LRRC3B: variants seen among roughly 807,000 people sequenced by gnomAD.
The protein encoded by LRRC3B is leucine-rich repeat-containing protein 3B.
In LRRC3B, 2 loss-of-function variants were observed where a neutral mutation model predicts 12.8. The ratio of observed to expected loss-of-function variants is 0.16; its 90% CI spans 0.06 to 0.49. The LOEUF (loss-of-function observed/expected upper bound fraction) is 0.49. Ranked by LOEUF, LRRC3B falls within the 20% of genes least tolerant of loss-of-function variation. The pLI is 0.96. For synonymous variants in LRRC3B, 132 were observed against 122.0 expected, an observed-to-expected ratio of 1.08 and a Z score of -0.54; for missense variants, 189 against 319.4, an observed-to-expected ratio of 0.59 and a Z score of 3.11.
chr3:26,671,369 T>TAGAGAGAGAGAG (rs773929815), intron 1 of LRRC3B, among the ~76,000 whole-genome samples: 52 of 38,188 alleles, frequency 1.4e-3, no homozygotes, highest in East Asian at 7.6e-3. Flanking sequence ...TATATATATA[T>TAGAGAGAGAGAG]ATATAGAGAG....
intron 1 of LRRC3B, among the ~76,000 whole-genome samples, chr3:26,671,363 T>TAG (rs1168867674): frequency 8.0e-4 from 37 of 46,246 alleles, no homozygotes; most frequent in Middle Eastern, 0.016. Context: ...TATATATATA[T>TAG]ATATATATAT....
At chr3:26,626,151 C>T (rs1035662041) in intron 1 of LRRC3B, among the ~76,000 whole-genome samples, 2 of 152,166 alleles carry the variant, frequency 1.3e-5, no homozygotes, top group Non-Finnish European at 2.9e-5. Context: ...TGTTACATAT[C>T]GCCTGTCTCA....
chr3:26,653,465 A>G (rs1559356021), intron 1 of LRRC3B, among the ~76,000 whole-genome samples: 1 of 152,242 alleles, frequency 6.6e-6, no homozygotes, highest in Admixed American at 6.5e-5. Flanking sequence ...TCTGTCATTA[A>G]TAATGGTTTA....
intron 1 of LRRC3B, among the ~76,000 whole-genome samples, chr3:26,676,765 G>T (rs562333880): frequency 2.6e-5 from 4 of 152,306 alleles, no homozygotes; most frequent in Admixed American, 2.0e-4. Flanking sequence ...TGTAAATCAT[G>T]CTGCTATAAA....
Position 26,684,518 on chromosome 3 carries a change from C to G in LRRC3B, c.-160-24995C>G, listed in dbSNP as rs1385525065. 2.0e-5 allele frequency among the ~76,000 whole-genome samples: 3 copies of G among 152,192 alleles called. No homozygotes were observed. The East Asian group carries it at 5.8e-4, about 29-fold the overall frequency. ...CCGAGACTGGGCAACTTATAATGAA[C>G]AGAAGCTTATTTTCTCACAGTTCTG... On this transcript the variant is annotated intron_variant, in intron 1 of 1. Transcript: ENST00000396641.
intron 1 of LRRC3B, among the ~76,000 whole-genome samples, chr3:26,679,301 T>C (rs559053937): frequency 2.2e-4 from 34 of 152,352 alleles, no homozygotes; most frequent in African/African-American, 7.9e-4. Flanking sequence ...CAGTGGCTTC[T>C]CATAATTCTT....
At chr3:26,661,512 C>A (rs924355239) in intron 1 of LRRC3B, among the ~76,000 whole-genome samples, 2 of 152,106 alleles carry the variant, frequency 1.3e-5, no homozygotes, top group African/African-American at 2.4e-5. Context: ...TATATCTTCC[C>A]TTTATACCCT....
chr3:26,641,744 A>G (rs1699035789), intron 1 of LRRC3B, among the ~76,000 whole-genome samples: 1 of 152,148 alleles, frequency 6.6e-6, no homozygotes, highest in Non-Finnish European at 1.5e-5. Context: ...ACTTGATAAA[A>G]TAGATTTTCT....
At chr3:26,691,097 G>A (rs1188186858) in intron 1 of LRRC3B, among the ~76,000 whole-genome samples, 3 of 52,582 alleles carry the variant, frequency 5.7e-5, no homozygotes, top group South Asian at 9.6e-4. Flanking sequence ...GTATATGTGT[G>A]TGTGTGTGTA....
chr3:26,654,558 A>G (rs890529679), intron 1 of LRRC3B, among the ~76,000 whole-genome samples: 4 of 152,192 alleles, frequency 2.6e-5, no homozygotes, highest in Admixed American at 2.0e-4. Flanking sequence ...AATCAGAAAG[A>G]CTTCTTTGAT....
intron 1 of LRRC3B, among the ~76,000 whole-genome samples, chr3:26,695,303 G>A (rs376999839): frequency 5.9e-5 from 9 of 152,110 alleles, no homozygotes; most frequent in African/African-American, 2.2e-4. Flanking sequence ...CGAGGCGGGG[G>A]GACCACGAGG....
At chr3:26,644,139 A>G (rs751628014) in intron 1 of LRRC3B, among the ~76,000 whole-genome samples, 4 of 152,246 alleles carry the variant, frequency 2.6e-5, no homozygotes, top group Non-Finnish European at 5.9e-5. Flanking sequence ...ATGAGGAATC[A>G]TTTAAATAAG....
chr3:26,667,767 T>C (rs944013568), intron 1 of LRRC3B, among the ~76,000 whole-genome samples: 5 of 152,202 alleles, frequency 3.3e-5, no homozygotes, highest in African/African-American at 9.6e-5. Flanking sequence ...ATAATCTTCA[T>C]TGTAGGCAGT....
chr3:26,690,217 T>A (rs550658656), intron 1 of LRRC3B, among the ~76,000 whole-genome samples: 1 of 152,342 alleles, frequency 6.6e-6, no homozygotes, highest in East Asian at 1.9e-4. Context: ...TTCATGTTAA[T>A]ATGATGATGT....
At chr3:26,635,566 C>T (rs1226551318) in intron 1 of LRRC3B, among the ~76,000 whole-genome samples, 4 of 152,194 alleles carry the variant, frequency 2.6e-5, no homozygotes, top group Non-Finnish European at 4.4e-5. Context: ...TGTCTGCAAC[C>T]CAAGGAAAGA....
intron 1 of LRRC3B, among the ~76,000 whole-genome samples, chr3:26,637,259 G>A (rs865848828): frequency 6.6e-6 from 1 of 152,066 alleles, no homozygotes; most frequent in Non-Finnish European, 1.5e-5. Context: ...AATGGCATCA[G>A]TAGGAACAGG....
intron 1 of LRRC3B, among the ~76,000 whole-genome samples, chr3:26,705,897 T>C (rs1700574528): frequency 2.6e-5 from 4 of 152,204 alleles, no homozygotes; most frequent in South Asian, 4.1e-4. Context: ...ACCAGTATCA[T>C]AGAGTGGAGA....
intron 1 of LRRC3B, among the ~76,000 whole-genome samples, chr3:26,671,373 T>TATATATATAGAGAGAGAGAG (rs1261897533): frequency 2.8e-4 from 8 of 28,254 alleles, no homozygotes; most frequent in East Asian, 2.5e-3. Flanking sequence ...TATATATATA[T>TATATATATAGAGAGAGAGAG]AGAGAGAGAG....
intron 1 of LRRC3B, among the ~76,000 whole-genome samples, chr3:26,641,579 C>A (rs779033629): frequency 4.3e-4 from 66 of 152,216 alleles, no homozygotes; most frequent in Admixed American, 5.9e-4. Context: ...GCTTAGGAAA[C>A]CCGAGCTGGA....
Sources: gnomAD v4.1 joint callset for allele counts (sites outside exome capture counted in the v4.1 genomes callset) on GRCh38, gnomAD v4.1.1 for gene constraint, MANE v1.5 for transcripts, NCBI Gene and HGNC (gene_info 2026-07-23, HGNC 2026-07-21) for gene names.